The following COL11A1 variants were observed in gnomAD, a reference collection of about 807,000 sequenced individuals.
The protein encoded by COL11A1 is collagen alpha-1(XI) chain.
In COL11A1, 74 loss-of-function variants were observed where a neutral mutation model predicts 265.2. The ratio of observed to expected loss-of-function variants is 0.28; its 90% CI spans 0.23 to 0.34. The LOEUF is 0.34. Ranked by LOEUF, COL11A1 falls within the 10% of genes least tolerant of loss-of-function variation. The pLI is 1.00. For synonymous variants in COL11A1, 816 were observed against 727.6 expected (o/e 1.12, Z -1.96); for missense variants, 2,165 against 2,263.6 (o/e 0.96, Z 0.88).
At chr1:103,003,095 A>T in intron 21 of COL11A1, 120 bp downstream of exon 21, 1 of 982,336 alleles carries the variant, frequency 1.0e-6, no homozygotes. Context: ...CAGCAACAAT[A>T]GATCTTCAAA....
chr1:103,030,647 AT>A (rs200322508), intron 5 of COL11A1, among the ~76,000 whole-genome samples: 18 of 151,864 alleles, frequency 1.2e-4, no homozygotes, highest in African/African-American at 3.6e-4. Context: ...CTATGAGAAA[AT>A]TTTTTTTAAA....
chr1:102,989,258 G>A (rs925270494), intron 29 of COL11A1, among the ~76,000 whole-genome samples: 2 of 151,874 alleles, frequency 1.3e-5, no homozygotes, highest in African/African-American at 4.8e-5. Context: ...GTGCATGTGT[G>A]TGTGTGTGTG....
At chr1:103,074,367 T>C (rs1303608022) in intron 4 of COL11A1, among the ~76,000 whole-genome samples, 1 of 152,054 alleles carries the variant, frequency 6.6e-6, no homozygotes, top group Non-Finnish European at 1.5e-5. Context: ...CCCAGGAGAA[T>C]AGCATGTCTG....
intron 57 of COL11A1, among the ~76,000 whole-genome samples, chr1:102,896,030 G>A (rs1652380828): frequency 6.6e-6 from 1 of 151,618 alleles, no homozygotes; most frequent in African/African-American, 2.4e-5. Context: ...AATGATTCTT[G>A]ATTTGGTGCT....
At chr1:103,013,787 T>A (rs1666324683) in intron 13 of COL11A1, among the ~76,000 whole-genome samples, 2 of 151,894 alleles carry the variant, frequency 1.3e-5, no homozygotes, top group South Asian at 4.1e-4. Flanking sequence ...AATCCTTTAT[T>A]TCCTTCTTCC....
intron 44 of COL11A1, among the ~76,000 whole-genome samples, chr1:102,936,604 AG>A (rs1181662335): frequency 2.2e-4 from 33 of 152,198 alleles, no homozygotes; most frequent in Admixed American, 2.2e-3. Context: ...CCAATCTGAA[AG>A]TATTTTCCTA....
At chr1:103,038,775 G>A (rs1668578319) in intron 4 of COL11A1, among the ~76,000 whole-genome samples, 1 of 152,114 alleles carries the variant, frequency 6.6e-6, no homozygotes. Context: ...TCAATTAGGA[G>A]TTGATTTCAA....
intron 42 of COL11A1, among the ~76,000 whole-genome samples, chr1:102,943,814 T>C (rs1269686596): frequency 1.3e-5 from 2 of 152,170 alleles, no homozygotes; most frequent in Non-Finnish European, 2.9e-5. Context: ...GTTTTAGATC[T>C]AGCTCTTCCC....
chr1:102,907,612 T>C (rs1035281103), intron 54 of COL11A1, among the ~76,000 whole-genome samples: 1 of 152,080 alleles, frequency 6.6e-6, no homozygotes, highest in Admixed American at 6.6e-5. Flanking sequence ...GTAACAATTC[T>C]GCATATTATA....
rs1415390135 is a variant in COL11A1 at position 102,988,927 on chromosome 1, A to G, written c.2394+591T>C. On this transcript the variant is annotated intron_variant, in intron 29 of 66. Transcript: ENST00000370096. ...AATTTTAGGAAAAGAAATATTTTCT[A>G]TAGAATGCTTCTTTATTCAGATGTA... Among the ~76,000 whole-genome samples, 5 of 152,258 alleles carry G rather than the reference A, an allele frequency of 3.3e-5. No homozygotes were observed. The East Asian group carries it at 9.6e-4, about 29-fold the overall frequency.
intron 38 of COL11A1, 88 bp from the exon 39 acceptor site, chr1:102,962,848 C>G (rs112756367): frequency 8.3e-7 from 1 of 1,206,670 alleles, no homozygotes. Context: ...ATTACATTTA[C>G]AAAAGTTTAT....
chr1:102,993,281 T>C (rs1664316220), intron 28 of COL11A1, among the ~76,000 whole-genome samples: 1 of 152,082 alleles, frequency 6.6e-6, no homozygotes, highest in Non-Finnish European at 1.5e-5. Context: ...CTGTGCTCCT[T>C]TGTCAATTCA....
At chr1:102,994,295 G>A (rs1664415166) in intron 28 of COL11A1, among the ~76,000 whole-genome samples, 1 of 152,024 alleles carries the variant, frequency 6.6e-6, no homozygotes, top group East Asian at 1.9e-4. Flanking sequence ...ACCTGGTGGG[G>A]GGTGATAGGA....
chr1:102,904,517 C>G (rs1245648913), intron 54 of COL11A1, among the ~76,000 whole-genome samples: 1 of 151,848 alleles, frequency 6.6e-6, no homozygotes, highest in Non-Finnish European at 1.5e-5. Context: ...TGAACTCAAA[C>G]AAATTTACAA....
intron 4 of COL11A1, among the ~76,000 whole-genome samples, chr1:103,065,506 G>A (rs1486881552): frequency 8.7e-6 from 1 of 114,764 alleles, no homozygotes; most frequent in Non-Finnish European, 1.6e-5. Flanking sequence ...GGCGACAGAA[G>A]AGCGAGACTC....
intron 13 of COL11A1, among the ~76,000 whole-genome samples, chr1:103,013,033 C>T (rs1666254514): frequency 6.6e-6 from 1 of 152,008 alleles, no homozygotes; most frequent in South Asian, 2.1e-4. Context: ...ACTATTGTTA[C>T]ACTGAATATT....
At position 102,995,894 on chromosome 1, in the gene COL11A1, GAC is replaced by G; in HGVS notation, c.2308_2309del (p.Val770GlnfsTer7). On this transcript the variant is annotated frameshift_variant, in exon 28 of 67. Transcript: ENST00000370096. LOFTEE classifies it high-confidence loss of function. ...CACCTTTAGATCCCTTGAGACCTCT[GAC>G]ACCATCTGCTCCCTGTGGAATAAAT... ...GPRGVKGADGVRGLKGSKGEK... is the reference protein window; with the variant it reads ...GPRGVKGADGXRGLKGSKGEK... 1.2e-6 allele frequency: 2 copies of G among 1,611,518 alleles called. No individual in the cohort carries two copies. Among genetic ancestry groups the G allele is most frequent in the Non-Finnish European group, 1.7e-6 (2 of 1,178,782 alleles).
chr1:102,879,216 A>C (rs879643540), intron 66 of COL11A1, among the ~76,000 whole-genome samples: 1 of 152,172 alleles, frequency 6.6e-6, no homozygotes. Context: ...AGATAACAAT[A>C]ATGATACTGG....
At chr1:103,039,137 T>A (rs1668612324) in intron 4 of COL11A1, among the ~76,000 whole-genome samples, 2 of 152,218 alleles carry the variant, frequency 1.3e-5, no homozygotes, top group African/African-American at 4.8e-5. Flanking sequence ...AGACAGTGAC[T>A]TTTATTTATT....
Sources: gnomAD v4.1 joint callset for allele counts (sites outside exome capture counted in the v4.1 genomes callset) on GRCh38, gnomAD v4.1.1 for gene constraint, MANE v1.5 for transcripts, NCBI Gene and HGNC (gene_info 2026-07-23, HGNC 2026-07-21) for gene names.